Variants in ATP1A1 observed in about 807,000 individuals in gnomAD.
ATP1A1 encodes the protein sodium/potassium-transporting ATPase subunit alpha-1.
In ATP1A1, 14 loss-of-function variants were observed where a neutral mutation model predicts 114.8. The observed-to-expected ratio is 0.12, with a 90% CI of 0.08 to 0.19. The LOEUF is 0.19. Ranked by LOEUF, ATP1A1 falls within the 10% of genes least tolerant of loss-of-function variation. The probability of loss-of-function intolerance (pLI) is 1.00; values close to 1 mark genes in which losing one functional copy is unlikely to be tolerated. For missense variants in ATP1A1, 524 were observed against 1,290.7 expected, an observed-to-expected ratio of 0.41 and a Z score of 9.10; for synonymous variants, 471 against 466.3, an observed-to-expected ratio of 1.01 and a Z score of -0.13.
In ATP1A1 at chr1:116,392,983, T is replaced by C; in HGVS notation, c.1462T>C (p.Tyr488His). 1 of 1,614,008 alleles carries C rather than the reference T, an allele frequency of 6.2e-7. No homozygotes were observed. Among genetic ancestry groups the C allele is most frequent in the Non-Finnish European group, 8.5e-7 (1 of 1,179,978 alleles). ...VEIPFNSTNK[Y>H]QLSIHKNPNT... ...GATACCCTTCAACTCCACCAACAAG[T>C]ACCAGGTCTGAAGATCGATGGGTAC... The change falls in exon 11 of 23, where the codon TAC becomes CAC. Residue 488 changes from tyrosine (Y) to histidine (H), a missense_variant. Tyr to His is a moderately conservative substitution (Grantham distance 83, BLOSUM62 2). Transcript: ENST00000295598.
At chr1:116,376,777 A>C (rs1172845332) in intron 1 of ATP1A1, among the ~76,000 whole-genome samples, 2 of 152,182 alleles carry the variant, frequency 1.3e-5, no homozygotes, top group Non-Finnish European at 2.9e-5. Flanking sequence ...CCCAAAAAAC[A>C]AACCAAAACA....
intron 3 of ATP1A1, among the ~76,000 whole-genome samples, chr1:116,386,716 C>G (rs2101041846): frequency 6.6e-6 from 1 of 152,196 alleles, no homozygotes; most frequent in Admixed American, 6.5e-5. Flanking sequence ...ACTTTTCAGT[C>G]AACAGGTTTA....
Position 116,401,122 on chromosome 1 carries a change from C to T in ATP1A1, c.2719-8C>T, listed in dbSNP as rs762463400. 2.4e-5 allele frequency: 39 copies of T among 1,614,036 alleles called. No homozygotes were observed. Among genetic ancestry groups the T allele is most frequent in the Non-Finnish European group, 3.2e-5 (38 of 1,180,012 alleles). On this transcript the variant is annotated splice_region_variant and splice_polypyrimidine_tract_variant and intron_variant, in intron 19 of 22. Transcript: ENST00000295598. The surrounding 1 kb of genome is among the most constrained non-coding windows in gnomAD (Gnocchi z 4.7). ...GCCAGAGCTCATCTTCTGTCTTCTG[C>T]ATTTCAGACCTATGAGCAGAGGAAA... is the stretch of plus-strand genomic sequence containing the variant.
intron 1 of ATP1A1, among the ~76,000 whole-genome samples, chr1:116,378,645 ATTTGT>A (rs1651529991): frequency 6.6e-6 from 1 of 152,042 alleles, no homozygotes; most frequent in South Asian, 2.1e-4. Context: ...ATGGCACCAT[ATTTGT>A]TTTATTATTT....
chr1:116,396,540 AG>A lies in ATP1A1; in HGVS notation c.1837-57del, dbSNP rs1173519292. 12 of 1,597,716 alleles carry A rather than the reference AG, an allele frequency of 7.5e-6. No individual in the cohort carries two copies. The African/African-American group carries it at 1.6e-4, about 22-fold the overall frequency. The stretch of plus-strand genomic sequence containing the variant: ...TATTTACTCTTGCCTACTGGATATA[AG>A]ACTTTAAGGTCATTTACTTGGCAGT... On this transcript the variant is annotated intron_variant, in intron 13 of 22. Transcript: ENST00000295598.
chr1:116,390,688 T>C (rs934929095), intron 9 of ATP1A1, 94 bp from the exon 10 acceptor site: 9 of 1,052,044 alleles, frequency 8.6e-6, no homozygotes, highest in South Asian at 2.8e-5. Flanking sequence ...GATGTATCAC[T>C]GCAGATTTCT....
Position 116,384,736 on chromosome 1 carries a change from TTATACTACACTGTTTAACTATTTTC to T in ATP1A1, c.124-45_124-21del, listed in dbSNP as rs1651966925. The T allele has an allele frequency of 6.7e-7, 1 of 1,491,646 alleles. No individual in the cohort carries two copies. Among genetic ancestry groups the T allele is most frequent in the Non-Finnish European group, 9.1e-7 (1 of 1,095,392 alleles). The allele number at this position is 1,491,646 out of a possible 1,614,324, so 92.4% of individuals were successfully genotyped here. On this transcript the variant is annotated intron_variant, in intron 2 of 22. Transcript: ENST00000295598. This position sits in a 1 kb window ranked among gnomAD's most constrained non-coding sequence, Gnocchi z 5.1. ...TAATGCTATTTTTTCTGTCATTTTTTTATACTACACTGTTTAACTATTTTCTTTGTTTCTGTTTTCCCTTAGGATG... is the reference window on the plus strand; with the variant it reads ...TAATGCTATTTTTTCTGTCATTTTTTTTTGTTTCTGTTTTCCCTTAGGATG...
intron 14 of ATP1A1, 47 bp downstream of exon 14, chr1:116,396,781 G>A: frequency 6.7e-7 from 1 of 1,503,182 alleles, no homozygotes; most frequent in Non-Finnish European, 8.9e-7. Flanking sequence ...CAAGCAAATA[G>A]TGATGGTTTA....
In ATP1A1 at chr1:116,381,747, A is replaced by T. The variant is rs1245378002; in HGVS notation, c.13-2267A>T. On this transcript the variant is annotated intron_variant, in intron 1 of 22. Transcript: ENST00000295598. This position sits in a 1 kb window ranked among gnomAD's most constrained non-coding sequence, Gnocchi z 5.1. ...CTAGTAATCCTCTCTCCTCTTCTGG[A>T]GTGGAAGATATTGGAAGTCTGAGAA... 6.6e-6 allele frequency among the ~76,000 whole-genome samples: 1 copy of T among 152,182 alleles called. No homozygotes were observed. The highest frequency in any genetic ancestry group is 1.5e-5 in the Non-Finnish European group (1 of 68,036).
At chr1:116,391,417 C>T (rs769668973) in intron 10 of ATP1A1, among the ~76,000 whole-genome samples, 9 of 152,132 alleles carry the variant, frequency 5.9e-5, no homozygotes, top group Non-Finnish European at 1.2e-4. Flanking sequence ...AAAATAAGCC[C>T]AGCCTTAGCC....
rs1019689855 is a variant in ATP1A1 at position 116,399,309 on chromosome 1, C to A, written c.2449-111C>A. Reference sequence around the variant, plus strand: ...AGATGGGAATCTTTATTTTTGTATACTTCACCTAAAAGATTTTTAAATGGG... The same window carrying A: ...AGATGGGAATCTTTATTTTTGTATAATTCACCTAAAAGATTTTTAAATGGG... On this transcript the variant is annotated intron_variant, in intron 17 of 22. Coordinates refer to ENST00000295598, the MANE Select transcript of ATP1A1 (RefSeq NM_000701.8). This position sits in a 1 kb window ranked among gnomAD's most constrained non-coding sequence, Gnocchi z 5.0. 1 of 1,452,358 alleles carries A rather than the reference C, an allele frequency of 6.9e-7. No individual in the cohort carries two copies. Among genetic ancestry groups the A allele is most frequent in the Admixed American group, 2.2e-5 (1 of 46,188 alleles). 90.0% of individuals were successfully genotyped at this position (1,452,358 alleles called of 1,614,324 possible).
chr1:116,373,911 G>C, intron 1 of ATP1A1: 4 of 1,307,610 alleles, frequency 3.1e-6, no homozygotes, highest in Non-Finnish European at 3.9e-6. Flanking sequence ...CCCTGAGCCT[G>C]GCTCCCCTCC....
intron 9 of ATP1A1, 114 bp downstream of exon 9, chr1:116,390,525 C>CTTTTTTTTTTTT: frequency 1.1e-6 from 1 of 947,852 alleles, no homozygotes; most frequent in South Asian, 2.0e-5. Flanking sequence ...GCAGCTTTTT[C>CTTTTTTTTTTTT]TTTCTTTTTT....
In ATP1A1 at chr1:116,374,303, T is replaced by G. The variant is rs898994853; in HGVS notation, c.12+780T>G. The G allele has an allele frequency of 5.2e-6, 8 of 1,551,062 alleles. No homozygotes were observed. In the African/African-American group the frequency reaches 9.6e-5, roughly 19 times the overall value. ...AAACACAGGATGCACCGATGGCAAC[T>G]GGAGTTGTCATCCGATGGTGGGGAG... On this transcript the variant is annotated intron_variant, in intron 1 of 22. Coordinates refer to ENST00000295598, the MANE Select transcript of ATP1A1 (RefSeq NM_000701.8).
chr1:116,384,788 T>A lies in ATP1A1; in HGVS notation c.129T>A (p.Asp43Glu), dbSNP rs1354383018. The change falls in exon 3 of 23, where the codon GAT (aspartate) becomes GAA (glutamate). Residue 43 changes from aspartate to glutamate, a missense_variant. Coordinates refer to ENST00000295598, the MANE Select transcript of ATP1A1 (RefSeq NM_000701.8). This position sits in a 1 kb window ranked among gnomAD's most constrained non-coding sequence, Gnocchi z 5.1. ...TTGTTTCTGTTTTCCCTTAGGATGA[T>A]CATAAACTTAGCCTTGATGAACTTC... ...DELKKEVSMD[D>E]HKLSLDELHR... 1 of 1,612,698 alleles carries A rather than the reference T, an allele frequency of 6.2e-7. No homozygotes were observed. Among genetic ancestry groups the A allele is most frequent in the Non-Finnish European group, 8.5e-7 (1 of 1,179,454 alleles).
rs1342051662 is a variant in ATP1A1 at position 116,388,190 on chromosome 1, T to C, written c.447T>C (p.Tyr149=). 1 of 1,614,146 alleles carries C rather than the reference T, an allele frequency of 6.2e-7. No individual in the cohort carries two copies. The stretch of plus-strand genomic sequence containing the variant: ...TCATAACTGGTTGCTTCTCCTACTA[T>C]CAAGAAGCTAAAAGTTCAAAGATCA... ...VVIITGCFSY[Y]QEAKSSKIME... The change falls in exon 5 of 23, where the codon TAT becomes TAC. Residue 149 remains tyrosine (Y), a synonymous_variant. Coordinates refer to ENST00000295598, the MANE Select transcript of ATP1A1 (RefSeq NM_000701.8). The surrounding 1 kb of genome is among the most constrained non-coding windows in gnomAD (Gnocchi z 5.6).
In ATP1A1 at chr1:116,388,032, C is replaced by G; in HGVS notation, c.388-99C>G. ...TTCTATATTTCTGAAATCTTGGTTTCTCTATTAAAAATCTGTTTTTTATTC... is the reference window on the plus strand; with the variant it reads ...TTCTATATTTCTGAAATCTTGGTTTGTCTATTAAAAATCTGTTTTTTATTC... On this transcript the variant is annotated intron_variant, in intron 4 of 22. Transcript: ENST00000295598. The surrounding 1 kb of genome is among the most constrained non-coding windows in gnomAD (Gnocchi z 5.6). The G allele has an allele frequency of 1.3e-6, 1 of 756,660 alleles. No individual in the cohort carries two copies. The highest frequency in any genetic ancestry group is 1.8e-5 in the African/African-American group (1 of 56,118). 46.9% of individuals were successfully genotyped at this position (756,660 alleles called of 1,614,324 possible). A position where few individuals can be genotyped will look rare whatever the true frequency, so the allele number is the denominator to read the frequency against.
At position 116,386,938 on chromosome 1, in the gene ATP1A1, A is replaced by G. The variant is rs146259932; in HGVS notation, c.184-350A>G. ...GCTCTTAATTTGCAAAACTGAATGG[A>G]TTTGTGAAAATAGATACCTTTTTGG... is the stretch of plus-strand genomic sequence containing the variant. On this transcript the variant is annotated intron_variant, in intron 3 of 22. Coordinates refer to ENST00000295598, the MANE Select transcript of ATP1A1 (RefSeq NM_000701.8). 3.4e-3 allele frequency among the ~76,000 whole-genome samples: 516 copies of G among 152,316 alleles called. 11 individuals carry two copies. The highest frequency in any genetic ancestry group is 3.4e-3 in the Middle Eastern group (1 of 294).
At chr1:116,390,506 A>T in intron 9 of ATP1A1, 95 bp downstream of exon 9, 2 of 1,190,506 alleles carry the variant, frequency 1.7e-6, no homozygotes, top group Admixed American at 2.6e-5. Context: ...TTTTTTTTTT[A>T]AGCTCATGGC....
Sources: allele counts gnomAD v4.1 joint callset (sites outside exome capture counted in the v4.1 genomes callset), GRCh38; gene constraint gnomAD v4.1.1; non-coding constraint Gnocchi (gnomAD v3.1); transcripts MANE v1.5; gene names NCBI Gene and HGNC (gene_info 2026-07-23, HGNC 2026-07-21).